ASCC1: variants seen among roughly 807,000 people sequenced by gnomAD.
ASCC1 encodes the protein activating signal cointegrator 1 complex subunit 1, also known as ASC-1 complex subunit P50.
Under a neutral mutation model 46.6 loss-of-function variants are expected in ASCC1, and 35 were observed. The observed-to-expected ratio is 0.75, with a 90% CI of 0.57 to 0.99. The LOEUF (loss-of-function observed/expected upper bound fraction) is 0.99. Ranked by LOEUF, ASCC1 falls within the 50% of genes least tolerant of loss-of-function variation. The pLI, the probability that ASCC1 is intolerant of heterozygous loss-of-function variation, is 0.00. For synonymous variants in ASCC1, 143 were observed against 146.6 expected (o/e 0.98, Z 0.18); for missense variants, 376 against 428.7 (o/e 0.88, Z 1.09).
At chr10:72,189,804 A>AAAAG (rs1394447282) in intron 5 of ASCC1, 50 of 166,678 alleles carry the variant, frequency 3.0e-4, no homozygotes, top group African/African-American at 1.2e-3. Context: ...CTCCATCTCA[A>AAAAG]AAAAAAAAAA....
At chr10:72,184,856 C>T (rs1404627156) in intron 5 of ASCC1, among the ~76,000 whole-genome samples, 3 of 150,964 alleles carry the variant, frequency 2.0e-5, no homozygotes, top group Admixed American at 6.6e-5. Flanking sequence ...AGCAATATCA[C>T]GCACTTTTTA....
rs1046855728 is a variant in ASCC1 at position 72,159,959 on chromosome 10, C to T, written c.626+1579G>A. 7.6e-5 allele frequency among the ~76,000 whole-genome samples: 11 copies of T among 144,356 alleles called. No homozygotes were observed. The South Asian group carries it at 8.7e-4, about 11-fold the overall frequency. 94.7% of individuals were successfully genotyped at this position (144,356 alleles called of 152,430 possible). On this transcript the variant is annotated intron_variant, in intron 6 of 9. Transcript: ENST00000672957. ...TCACTCTGTCGCCCAGGCTGGAGTG[C>T]AGTGGCGCAATCTCGGCTCACTGCA... is the stretch of plus-strand genomic sequence containing the variant.
chr10:72,193,652 T>C (rs367980281), intron 5 of ASCC1, among the ~76,000 whole-genome samples: 4 of 152,100 alleles, frequency 2.6e-5, no homozygotes, highest in African/African-American at 9.7e-5. Context: ...TTAGAATTCA[T>C]AGACATGTAT....
At chr10:72,174,922 T>C (rs1439624853) in intron 5 of ASCC1, among the ~76,000 whole-genome samples, 1 of 152,192 alleles carries the variant, frequency 6.6e-6, no homozygotes, top group East Asian at 1.9e-4. Flanking sequence ...GCTAACAAAA[T>C]AGATTATGTG....
intron 4 of ASCC1, among the ~76,000 whole-genome samples, chr10:72,201,297 G>A (rs983355447): frequency 2.0e-5 from 3 of 152,114 alleles, no homozygotes; most frequent in Non-Finnish European, 4.4e-5. Flanking sequence ...ACAGGTATAT[G>A]CCACTGTCCC....
chr10:72,171,290 C>A (rs932685311), intron 5 of ASCC1, among the ~76,000 whole-genome samples: 1 of 152,164 alleles, frequency 6.6e-6, no homozygotes, highest in African/African-American at 2.4e-5. Context: ...GCATTCCTTG[C>A]GGAGGCTCCA....
chr10:72,145,908 G>A (rs1847568318), intron 7 of ASCC1, among the ~76,000 whole-genome samples: 1 of 152,080 alleles, frequency 6.6e-6, no homozygotes, highest in Admixed American at 6.6e-5. Context: ...TCCTTTAAGT[G>A]GCATATAACA....
intron 4 of ASCC1, among the ~76,000 whole-genome samples, chr10:72,199,316 G>A (rs1315646010): frequency 5.7e-5 from 2 of 35,160 alleles, no homozygotes; most frequent in Non-Finnish European, 1.1e-4. Flanking sequence ...TTTTTTTTTT[G>A]AGACAGAGTC....
chr10:72,180,924 A>G, intron 5 of ASCC1: 1 of 196,646 alleles, frequency 5.1e-6, no homozygotes, highest in Non-Finnish European at 1.1e-5. Context: ...GGGACATTGA[A>G]ATGGGCTACG....
chr10:72,104,221 T>C (rs1300283058), intron 9 of ASCC1, among the ~76,000 whole-genome samples: 1 of 152,122 alleles, frequency 6.6e-6, no homozygotes, highest in South Asian at 2.1e-4. Flanking sequence ...CCCCATTAAA[T>C]AGCCACAGTG....
intron 9 of ASCC1, among the ~76,000 whole-genome samples, chr10:72,111,208 C>T (rs542360112): frequency 1.3e-5 from 2 of 152,284 alleles, no homozygotes; most frequent in East Asian, 3.9e-4. Flanking sequence ...TGGTATCAGG[C>T]CAGGCGTGGT....
At chr10:72,168,262 A>G (rs1016108351) in intron 5 of ASCC1, among the ~76,000 whole-genome samples, 1 of 152,190 alleles carries the variant, frequency 6.6e-6, no homozygotes, top group Non-Finnish European at 1.5e-5. Flanking sequence ...GCTATTGAAC[A>G]ATAGGCAAAA....
rs1002438382 is a variant in ASCC1 at position 72,151,792 on chromosome 10, G to C, written c.746+1077C>G. Among the ~76,000 whole-genome samples the C allele has an allele frequency of 6.0e-5, 9 of 151,120 alleles. No individual in the cohort carries two copies. The East Asian group carries it at 1.6e-3, about 26-fold the overall frequency. ...CAACCTCCGCTTCCCCGGTTCAAGTGATTCTCCTGCCTCAGCCTCCCGAGT... is the reference window on the plus strand; with the variant it reads ...CAACCTCCGCTTCCCCGGTTCAAGTCATTCTCCTGCCTCAGCCTCCCGAGT... On this transcript the variant is annotated intron_variant, in intron 7 of 9. Coordinates refer to ENST00000672957, the MANE Select transcript of ASCC1 (RefSeq NM_001198800.3).
intron 7 of ASCC1, among the ~76,000 whole-genome samples, chr10:72,144,932 C>T (rs1204029885): frequency 2.6e-5 from 4 of 152,080 alleles, no homozygotes; most frequent in East Asian, 3.8e-4. Context: ...TTTCCTTTTC[C>T]GAAATATACC....
At chr10:72,110,803 A>ATGTC (rs1683747794) in intron 9 of ASCC1, among the ~76,000 whole-genome samples, 1 of 152,246 alleles carries the variant, frequency 6.6e-6, no homozygotes, top group African/African-American at 2.4e-5. Flanking sequence ...AGCAAATCAG[A>ATGTC]TGTCTCTAGG....
At chr10:72,162,668 C>T (rs1397337209) in intron 5 of ASCC1, among the ~76,000 whole-genome samples, 1 of 152,018 alleles carries the variant, frequency 6.6e-6, no homozygotes, top group Non-Finnish European at 1.5e-5. Context: ...AGGGACCAGG[C>T]ACAGTGGCTC....
At chr10:72,121,238 G>A (rs967575544) in intron 9 of ASCC1, among the ~76,000 whole-genome samples, 1 of 152,104 alleles carries the variant, frequency 6.6e-6, no homozygotes, top group Non-Finnish European at 1.5e-5. Context: ...CAACCTCCCA[G>A]GCACAAGCGA....
intron 5 of ASCC1, among the ~76,000 whole-genome samples, chr10:72,164,057 G>A (rs979253412): frequency 6.6e-6 from 1 of 151,970 alleles, no homozygotes; most frequent in African/African-American, 2.4e-5. Context: ...TTGCCTCCCG[G>A]GTTCAAGCAA....
chr10:72,208,713 T>A (rs1362129832), intron 3 of ASCC1, among the ~76,000 whole-genome samples: 2 of 152,054 alleles, frequency 1.3e-5, no homozygotes, highest in East Asian at 1.9e-4. Flanking sequence ...TGAGCCAAGA[T>A]CATGCCACTG....
Sources: allele counts gnomAD v4.1 joint callset (sites outside exome capture counted in the v4.1 genomes callset), GRCh38; gene constraint gnomAD v4.1.1; transcripts MANE v1.5; gene names NCBI Gene and HGNC (gene_info 2026-07-23, HGNC 2026-07-21).